HCN1: variants seen among roughly 807,000 people sequenced by gnomAD.
HCN1 encodes the protein potassium/sodium hyperpolarization-activated cyclic nucleotide-gated channel 1.
Under a neutral mutation model 78.9 loss-of-function variants are expected in HCN1, and 13 were observed. That is an observed-to-expected ratio of 0.16 (90% CI 0.11 to 0.26). HCN1 has a LOEUF of 0.26. HCN1 is among the 10% of genes least tolerant of loss of function. HCN1 has a pLI of 1.00. For missense variants in HCN1, 810 were observed against 1,154.3 expected, an observed-to-expected ratio of 0.70 and a Z score of 4.32; for synonymous variants, 552 against 455.5, an observed-to-expected ratio of 1.21 and a Z score of -2.70.
At chr5:45,410,178 C>A (rs528665272) in intron 3 of HCN1, among the ~76,000 whole-genome samples, 2 of 151,934 alleles carry the variant, frequency 1.3e-5, no homozygotes, top group Non-Finnish European at 2.9e-5. Context: ...CTTGTGGTAG[C>A]AAGAACAGTC....
chr5:45,465,727 C>T (rs1741257234), intron 2 of HCN1, among the ~76,000 whole-genome samples: 1 of 151,978 alleles, frequency 6.6e-6, no homozygotes, highest in South Asian at 2.1e-4. Context: ...TGCACTTCAG[C>T]CTGAGTGACA....
At position 45,666,613 on chromosome 5, in the gene HCN1, ATG is replaced by A. The variant is rs550426604; in HGVS notation, c.426-21007_426-21006del. ...TAAAATATTTTGTATTTTTGTATGT[ATG>A]TGGATAATTGTTTTTAAAGGTTTAT... is the stretch of plus-strand genomic sequence containing the variant. On this transcript the variant is annotated intron_variant, in intron 1 of 7. Coordinates refer to ENST00000303230, the MANE Select transcript of HCN1 (RefSeq NM_021072.4). Among the ~76,000 whole-genome samples the A allele has an allele frequency of 1.7e-3, 258 of 152,130 alleles. 1 individual carries two copies. Among genetic ancestry groups the A allele is most frequent in the African/African-American group, 6.0e-3 (249 of 41,536 alleles).
intron 6 of HCN1, among the ~76,000 whole-genome samples, chr5:45,278,262 A>G (rs1328702798): frequency 1.3e-5 from 2 of 152,110 alleles, no homozygotes; most frequent in African/African-American, 2.4e-5. Context: ...CAAGTTCAGT[A>G]TGTGAGTAGC....
At chr5:45,358,387 T>A (rs375588196) in intron 4 of HCN1, among the ~76,000 whole-genome samples, 5 of 152,084 alleles carry the variant, frequency 3.3e-5, no homozygotes, top group African/African-American at 1.2e-4. Flanking sequence ...CCTTAGTTTA[T>A]CCCCTACTCC....
chr5:45,366,848 T>A (rs917340037), intron 4 of HCN1, among the ~76,000 whole-genome samples: 2 of 151,776 alleles, frequency 1.3e-5, no homozygotes, highest in Non-Finnish European at 3.0e-5. Flanking sequence ...TTCTTTACAT[T>A]CATAATATAA....
At chr5:45,410,996 T>C in intron 3 of HCN1, among the ~76,000 whole-genome samples, 1 of 152,112 alleles carries the variant, frequency 6.6e-6, no homozygotes, top group Non-Finnish European at 1.5e-5. Context: ...CCAAATAGTA[T>C]TTAAGAGAGG....
chr5:45,626,254 T>C (rs935009361), intron 2 of HCN1, among the ~76,000 whole-genome samples: 1 of 152,198 alleles, frequency 6.6e-6, no homozygotes, highest in African/African-American at 2.4e-5. Context: ...CATCTAATAA[T>C]GCTTCTTTGT....
At chr5:45,599,096 A>T (rs929436646) in intron 2 of HCN1, among the ~76,000 whole-genome samples, 1 of 152,008 alleles carries the variant, frequency 6.6e-6, no homozygotes, top group Non-Finnish European at 1.5e-5. Context: ...ATCACTATAA[A>T]GACACATGCA....
At chr5:45,312,841 G>A (rs1254200462) in intron 5 of HCN1, among the ~76,000 whole-genome samples, 3 of 152,188 alleles carry the variant, frequency 2.0e-5, no homozygotes, top group Non-Finnish European at 4.4e-5. Context: ...CATTGCTGAG[G>A]CTTGAGTAGG....
chr5:45,316,542 T>G (rs1745998128), intron 5 of HCN1, among the ~76,000 whole-genome samples: 1 of 152,034 alleles, frequency 6.6e-6, no homozygotes, highest in African/African-American at 2.4e-5. Context: ...CTATTCAACA[T>G]AGTGTTGGAA....
At chr5:45,350,326 T>G (rs201472146) in intron 5 of HCN1, among the ~76,000 whole-genome samples, 16 of 151,902 alleles carry the variant, frequency 1.1e-4, no homozygotes, top group Admixed American at 1.1e-3. Context: ...ATTCAACAAC[T>G]CTTCATGCTA....
Position 45,305,419 on chromosome 5 carries a change from T to C in HCN1, c.1378-1580A>G, listed in dbSNP as rs16902100. 4.2e-3 allele frequency among the ~76,000 whole-genome samples: 635 copies of C among 152,080 alleles called. 23 individuals are homozygous for C. In the East Asian group the frequency reaches 0.11, roughly 27 times the overall value. On this transcript the variant is annotated intron_variant, in intron 5 of 7. Coordinates refer to ENST00000303230, the MANE Select transcript of HCN1 (RefSeq NM_021072.4). ...TGGAGCTTCATGGAAGATGAGAAAA[T>C]ATTTACAAATAAGCAACAATAATCA... is the stretch of plus-strand genomic sequence containing the variant.
chr5:45,558,918 A>AC (rs1743535335), intron 2 of HCN1: 1 of 94,896 alleles, frequency 1.1e-5, no homozygotes, highest in Non-Finnish European at 2.1e-5. Flanking sequence ...ACATCCAGCT[A>AC]TTTTTTTTTT....
chr5:45,489,783 C>G (rs1418290777), intron 2 of HCN1, among the ~76,000 whole-genome samples: 1 of 152,170 alleles, frequency 6.6e-6, no homozygotes, highest in Non-Finnish European at 1.5e-5. Flanking sequence ...ACTTTAGAGA[C>G]AGCCAGTGAA....
chr5:45,350,619 G>A (rs1166483851), intron 5 of HCN1, among the ~76,000 whole-genome samples: 1 of 151,248 alleles, frequency 6.6e-6, no homozygotes, highest in African/African-American at 2.4e-5. Context: ...TGTATATCTA[G>A]AAAACCCCAT....
intron 6 of HCN1, among the ~76,000 whole-genome samples, chr5:45,291,736 C>T (rs375932993): frequency 6.6e-6 from 1 of 151,838 alleles, no homozygotes; most frequent in African/African-American, 2.4e-5. Context: ...CACTATGTTG[C>T]TCAGGCTTGT....
intron 5 of HCN1, among the ~76,000 whole-genome samples, chr5:45,343,344 G>A (rs1186440057): frequency 1.3e-5 from 2 of 152,180 alleles, no homozygotes; most frequent in African/African-American, 4.8e-5. Context: ...TTTGACCGTG[G>A]TATTTTAAAT....
At chr5:45,608,094 G>A (rs1276457090) in intron 2 of HCN1, among the ~76,000 whole-genome samples, 1 of 151,902 alleles carries the variant, frequency 6.6e-6, no homozygotes, top group Non-Finnish European at 1.5e-5. Flanking sequence ...ATATTTAGAA[G>A]TGAAAGTTAA....
chr5:45,425,613 A>C (rs1426898752), intron 3 of HCN1, among the ~76,000 whole-genome samples: 1 of 152,190 alleles, frequency 6.6e-6, no homozygotes, highest in African/African-American at 2.4e-5. Flanking sequence ...GAACAAAGAA[A>C]CAACTACTTT....
Sources: allele counts gnomAD v4.1 joint callset (sites outside exome capture counted in the v4.1 genomes callset), GRCh38; gene constraint gnomAD v4.1.1; transcripts MANE v1.5; gene names NCBI Gene and HGNC (gene_info 2026-07-23, HGNC 2026-07-21).